Variants in POLH observed in about 807,000 individuals in gnomAD.
POLH encodes the protein DNA polymerase eta transcript.
Under a neutral mutation model 73.6 loss-of-function variants are expected in POLH, and 53 were observed. The ratio of observed to expected loss-of-function variants is 0.72; its 90% CI spans 0.58 to 0.91. The LOEUF (loss-of-function observed/expected upper bound fraction) is 0.91, where lower values mean the gene tolerates loss of function less well. Ranked by LOEUF, POLH falls within the 40% of genes least tolerant of loss-of-function variation. POLH has a pLI of 0.00. For synonymous variants in POLH, 292 were observed against 308.5 expected (o/e 0.95, Z 0.56); for missense variants, 768 against 865.4 (o/e 0.89, Z 1.41).
At chr6:43,581,293 A>G (rs1305069221) in intron 1 of POLH, among the ~76,000 whole-genome samples, 1 of 140,852 alleles carries the variant, frequency 7.1e-6, no homozygotes, top group Non-Finnish European at 1.5e-5. Flanking sequence ...ATCTCAGACG[A>G]TGGGCGGGCG....
chr6:43,578,923 T>C (rs1197440155), intron 1 of POLH, among the ~76,000 whole-genome samples: 1 of 152,214 alleles, frequency 6.6e-6, no homozygotes, highest in African/African-American at 2.4e-5. Flanking sequence ...TATGTGCCAA[T>C]TGGCTATGTT....
intron 2 of POLH, among the ~76,000 whole-genome samples, chr6:43,582,762 G>T (rs1270659867): frequency 3.3e-5 from 5 of 152,194 alleles, no homozygotes; most frequent in Non-Finnish European, 1.5e-5. Context: ...GCCCAAGCAG[G>T]TCTTGAACTC....
chr6:43,601,410 C>T (rs913108433), intron 6 of POLH, among the ~76,000 whole-genome samples: 1 of 152,070 alleles, frequency 6.6e-6, no homozygotes, highest in African/African-American at 2.4e-5. Context: ...GAATTACAGG[C>T]GCCCACCACC....
At position 43,620,101 on chromosome 6, in the gene POLH, A is replaced by C; in HGVS notation, c.*5544A>C. ...TAATTTAGGCTATGTAAACTTGAAA[A>C]ATATGGGACCAGATTACCTTTTGTC... On this transcript the variant is annotated 3_prime_UTR_variant, in exon 11 of 11. Coordinates refer to ENST00000372236, the MANE Select transcript of POLH (RefSeq NM_006502.3). 1 of 344,630 alleles carries C rather than the reference A, an allele frequency of 2.9e-6. No individual in the cohort carries two copies. The highest frequency in any genetic ancestry group is 2.1e-5 in the South Asian group (1 of 46,516). 21.3% of individuals were successfully genotyped at this position (344,630 alleles called of 1,614,324 possible). A position where few individuals can be genotyped will look rare whatever the true frequency, so the allele number is the denominator to read the frequency against.
chr6:43,579,157 ATC>A (rs1365183565), intron 1 of POLH, among the ~76,000 whole-genome samples: 1 of 151,926 alleles, frequency 6.6e-6, no homozygotes, highest in Non-Finnish European at 1.5e-5. Flanking sequence ...AGAAAACAGA[ATC>A]TCTCTCTGGC....
At chr6:43,609,749 T>C (rs1767681010) in intron 9 of POLH, among the ~76,000 whole-genome samples, 1 of 152,190 alleles carries the variant, frequency 6.6e-6, no homozygotes, top group South Asian at 2.1e-4. Flanking sequence ...TAGTTCCACT[T>C]TGCTTTCAGA....
chr6:43,580,865 A>G (rs1259662416), intron 1 of POLH, among the ~76,000 whole-genome samples: 2,152 of 133,946 alleles, frequency 0.016, 1 homozygote, highest in African/African-American at 0.057. Flanking sequence ...CTCACCTCCC[A>G]GACGGGGCGG....
chr6:43,582,999 A>G lies in POLH; in HGVS notation c.138-8A>G. On this transcript the variant is annotated splice_region_variant and splice_polypyrimidine_tract_variant and intron_variant, in intron 2 of 10. Transcript: ENST00000372236. ...ATGTTTTCTGTTTCCTTTTTTTTCT[A>G]ACCTTAGAATAATTGCAGTGAGTTA... 2 of 1,611,512 alleles carry G rather than the reference A, an allele frequency of 1.2e-6. No individual in the cohort carries two copies. Among genetic ancestry groups the G allele is most frequent in the Non-Finnish European group, 1.7e-6 (2 of 1,178,072 alleles).
Position 43,603,943 on chromosome 6 carries a change from A to C in POLH, c.816A>C (p.Ile272=). 1.2e-6 allele frequency: 2 copies of C among 1,612,688 alleles called. No individual in the cohort carries two copies. The highest frequency in any genetic ancestry group is 8.5e-7 in the Non-Finnish European group (1 of 1,178,696). Residue 272 remains isoleucine, a synonymous_variant, in exon 7 of 11, where the codon ATA becomes ATC. Transcript: ENST00000372236. ...LGASVIEILG[I]EYMGELTQFT... is the part of the protein sequence containing the mutation. ...CCTCTGTCATTGAGATCCTAGGGATAGAATACATGGGTGAACTGACCCAGT... is the reference window on the plus strand; with the variant it reads ...CCTCTGTCATTGAGATCCTAGGGATCGAATACATGGGTGAACTGACCCAGT...
intron 4 of POLH, among the ~76,000 whole-genome samples, chr6:43,595,467 G>A (rs1394537954): frequency 6.6e-6 from 1 of 151,986 alleles, no homozygotes; most frequent in East Asian, 1.9e-4. Context: ...AAGTTCCTTG[G>A]CCGGGCGCAG....
At position 43,595,107 on chromosome 6, in the gene POLH, G is replaced by C. The variant is rs551776108; in HGVS notation, c.491-2589G>C. 2.0e-4 allele frequency among the ~76,000 whole-genome samples: 31 copies of C among 152,040 alleles called. 2 individuals are homozygous for C. In the South Asian group the frequency reaches 6.2e-3, roughly 31 times the overall value. On this transcript the variant is annotated intron_variant, in intron 4 of 10. Coordinates refer to ENST00000372236, the MANE Select transcript of POLH (RefSeq NM_006502.3). ...GCTACTTGGGAGGCCAAGGTAGGAG[G>C]ATCGCTTGAGCTCAGGAGGCAGAGA...
Position 43,616,763 on chromosome 6 carries a change from CAG to C in POLH, c.*2207_*2208del, listed in dbSNP as rs1768376784. On this transcript the variant is annotated 3_prime_UTR_variant, in exon 11 of 11. Transcript: ENST00000372236. ...CTGTACATAAAAGTGACTTAATAAA[CAG>C]TGAATTTCATACAGGTAAACCCTAT... Among the ~76,000 whole-genome samples, 1 of 152,166 alleles carries C rather than the reference CAG, an allele frequency of 6.6e-6. No individual in the cohort carries two copies.
intron 5 of POLH, among the ~76,000 whole-genome samples, chr6:43,598,364 C>T (rs1242924985): frequency 2.0e-5 from 3 of 151,796 alleles, no homozygotes; most frequent in South Asian, 2.1e-4. Context: ...TGGGGGCTCA[C>T]GCCTGTAGTC....
chr6:43,612,893 C>T (rs1345152925), intron 10 of POLH, among the ~76,000 whole-genome samples: 1 of 151,518 alleles, frequency 6.6e-6, no homozygotes, highest in African/African-American at 2.4e-5. Flanking sequence ...CCTCTGCCTC[C>T]CGGGTTCAAG....
chr6:43,620,105 T>C lies in POLH; in HGVS notation c.*5548T>C. The C allele has an allele frequency of 5.7e-6, 2 of 350,580 alleles. No homozygotes were observed. Among genetic ancestry groups the C allele is most frequent in the Admixed American group, 5.0e-5 (1 of 20,176 alleles). The allele number at this position is 350,580 out of a possible 1,614,324, so 21.7% of individuals were successfully genotyped here. On this transcript the variant is annotated 3_prime_UTR_variant, in exon 11 of 11. Transcript: ENST00000372236. ...TTAGGCTATGTAAACTTGAAAAATA[T>C]GGGACCAGATTACCTTTTGTCTCTA...
intron 9 of POLH, among the ~76,000 whole-genome samples, chr6:43,607,944 A>G (rs1767478075): frequency 6.6e-6 from 1 of 152,210 alleles, no homozygotes; most frequent in African/African-American, 2.4e-5. Context: ...TAGCCTGGCC[A>G]ACATGGCGAA....
intron 10 of POLH, among the ~76,000 whole-genome samples, chr6:43,612,503 C>T (rs775689945): frequency 1.8e-4 from 28 of 151,558 alleles, no homozygotes; most frequent in Admixed American, 3.3e-4. Flanking sequence ...CCCGCCACCA[C>T]GCCCGGCTAA....
At position 43,615,494 on chromosome 6, in the gene POLH, GGAGT is replaced by G. The variant is rs997055963; in HGVS notation, c.*941_*944del. 3 of 151,560 alleles carry G rather than the reference GGAGT, an allele frequency of 2.0e-5. No homozygotes were observed. Among genetic ancestry groups the G allele is most frequent in the African/African-American group, 7.3e-5 (3 of 41,168 alleles). 9.4% of individuals were successfully genotyped at this position (151,560 alleles called of 1,614,324 possible). On this transcript the variant is annotated 3_prime_UTR_variant, in exon 11 of 11. Coordinates refer to ENST00000372236, the MANE Select transcript of POLH (RefSeq NM_006502.3). ...CACTTGAACCCAGGAGGCAGAGGTT[GGAGT>G]GAGCTGAGATCGCGCCACCGCACTC... is the stretch of plus-strand genomic sequence containing the variant.
chr6:43,603,264 C>T (rs1351138636), intron 6 of POLH, among the ~76,000 whole-genome samples: 1 of 151,980 alleles, frequency 6.6e-6, no homozygotes, highest in Non-Finnish European at 1.5e-5. Flanking sequence ...GTAGCTGGGA[C>T]TACAGCTACA....
Sources: gnomAD v4.1 joint callset for allele counts (sites outside exome capture counted in the v4.1 genomes callset) on GRCh38, gnomAD v4.1.1 for gene constraint, MANE v1.5 for transcripts, NCBI Gene and HGNC (gene_info 2026-07-23, HGNC 2026-07-21) for gene names.